SLCO1A2: variants seen among roughly 807,000 people sequenced by gnomAD.
SLCO1A2 encodes the protein OATP-1.
A neutral mutation model predicts 69.0 loss-of-function variants in SLCO1A2; 67 were observed. The ratio of observed to expected loss-of-function variants is 0.97; its 90% CI spans 0.80 to 1.19. The LOEUF is 1.19. Among genes scored for constraint, SLCO1A2 ranks in the 50% most tolerant of loss-of-function variants. The pLI is 0.00. For missense variants in SLCO1A2, 787 were observed against 793.7 expected, an observed-to-expected ratio of 0.99 and a Z score of 0.10; for synonymous variants, 260 against 265.9, an observed-to-expected ratio of 0.98 and a Z score of 0.22.
intron 1 of SLCO1A2, chr12:21,403,419 C>G (rs565280668): frequency 1.3e-5 from 2 of 152,204 alleles, no homozygotes; most frequent in East Asian, 3.9e-4. Flanking sequence ...GGACTTTTAC[C>G]TTAGCATTCA....
chr12:21,305,011 G>A (rs1383045711), intron 5 of SLCO1A2, among the ~76,000 whole-genome samples: 1 of 152,164 alleles, frequency 6.6e-6, no homozygotes, highest in Non-Finnish European at 1.5e-5. Flanking sequence ...TATTTCTCTA[G>A]AATTGGTACT....
intron 1 of SLCO1A2, among the ~76,000 whole-genome samples, chr12:21,407,738 T>A (rs1428715958): frequency 6.6e-6 from 1 of 151,148 alleles, no homozygotes; most frequent in African/African-American, 2.4e-5. Context: ...GCCTGGGAAG[T>A]CAAGACTGCA....
intron 12 of SLCO1A2, among the ~76,000 whole-genome samples, chr12:21,278,887 G>T (rs922169689): frequency 6.6e-6 from 1 of 152,126 alleles, no homozygotes; most frequent in Non-Finnish European, 1.5e-5. Flanking sequence ...GAGAAAGAGA[G>T]ATATGTGACT....
chr12:21,401,018 A>G (rs565556673), intron 1 of SLCO1A2, among the ~76,000 whole-genome samples: 2 of 150,948 alleles, frequency 1.3e-5, no homozygotes, highest in African/African-American at 4.9e-5. Context: ...CCTAAAACTT[A>G]AAGTATAATA....
chr12:21,410,748 G>A (rs1842518064), intron 1 of SLCO1A2, among the ~76,000 whole-genome samples: 1 of 152,100 alleles, frequency 6.6e-6, no homozygotes, highest in Admixed American at 6.6e-5. Flanking sequence ...TAAATATACT[G>A]ATATTTTCAA....
chr12:21,312,055 GA>G lies in SLCO1A2; in HGVS notation c.335+2493del, dbSNP rs1565491227. Among the ~76,000 whole-genome samples, 266 of 150,222 alleles carry G rather than the reference GA, an allele frequency of 1.8e-3. 1 individual carries two copies. The highest frequency in any genetic ancestry group is 6.3e-3 in the African/African-American group (253 of 40,466). Reference sequence around the variant, plus strand: ...AGAAGAAGAGGAAGAAGAAGAGGAGGAGAAGAAGAAGAGGAAGAAGAAGAGG... The same window carrying G: ...AGAAGAAGAGGAAGAAGAAGAGGAGGGAAGAAGAAGAGGAAGAAGAAGAGG... On this transcript the variant is annotated intron_variant, in intron 4 of 14. Transcript: ENST00000683939.
Position 21,307,081 on chromosome 12 carries a change from A to T in SLCO1A2, c.336-93T>A. 6.4e-6 allele frequency: 5 copies of T among 781,252 alleles called. No homozygotes were observed. In the South Asian group the frequency reaches 9.2e-5, roughly 14 times the overall value. 48.4% of individuals were successfully genotyped at this position (781,252 alleles called of 1,614,324 possible). A position where few individuals can be genotyped will look rare whatever the true frequency, so the allele number is the denominator to read the frequency against. ...ATTGTTACCTTCTGCTTCCCATACA[A>T]CACAATATCCAAATCCAGTAAAAAT... On this transcript the variant is annotated intron_variant, in intron 4 of 14. Transcript: ENST00000683939.
chr12:21,403,213 A>G (rs974198500), intron 1 of SLCO1A2, among the ~76,000 whole-genome samples: 3 of 152,124 alleles, frequency 2.0e-5, no homozygotes, highest in Non-Finnish European at 4.4e-5. Context: ...CTGTGCATGC[A>G]TAAACAAACA....
upstream of SLCO1A2, among the ~76,000 whole-genome samples, chr12:21,396,854 C>CTG (rs1941483560): frequency 6.6e-6 from 1 of 152,030 alleles, no homozygotes; most frequent in Non-Finnish European, 1.5e-5. Context: ...GCCTGCCTTA[C>CTG]AAGAGCTCCT....
intron 1 of SLCO1A2, among the ~76,000 whole-genome samples, chr12:21,413,237 C>CTTTTTTT (rs3983534): frequency 2.0e-3 from 194 of 99,424 alleles, no homozygotes; most frequent in Non-Finnish European, 2.4e-3. Flanking sequence ...TTTTCTTTTT[C>CTTTTTTT]TTTTTTTTTT....
rs144275131 is a variant in SLCO1A2, at chr12:21,312,587, A to T, written c.335+1962T>A. ...TGAGCTTAATGATTTCTAGCTTTTG[A>T]TTTAAAGTGAGAAATGTGCAACTCT... is the stretch of plus-strand genomic sequence containing the variant. On this transcript the variant is annotated intron_variant, in intron 4 of 14. Coordinates refer to ENST00000683939, the MANE Select transcript of SLCO1A2 (RefSeq NM_001386879.1). Among the ~76,000 whole-genome samples, 238 of 152,248 alleles carry T rather than the reference A, an allele frequency of 1.6e-3. 1 individual carries two copies. Among genetic ancestry groups the T allele is most frequent in the African/African-American group, 5.4e-3 (224 of 41,542 alleles).
intron 2 of SLCO1A2, among the ~76,000 whole-genome samples, chr12:21,364,209 T>G (rs576908359): frequency 2.2e-4 from 33 of 152,300 alleles, no homozygotes; most frequent in African/African-American, 7.5e-4. Context: ...ATGATCAAGT[T>G]GGCTTCATCC....
Position 21,275,359 on chromosome 12 carries a change from C to T in SLCO1A2, c.1675+1G>A, listed in dbSNP as rs963511989. 6.4e-7 allele frequency: 1 copy of T among 1,555,198 alleles called. No individual in the cohort carries two copies. Among genetic ancestry groups the T allele is most frequent in the Non-Finnish European group, 8.8e-7 (1 of 1,139,898 alleles). On this transcript the variant is annotated splice_donor_variant, in intron 13 of 14. Transcript: ENST00000683939. LOFTEE classifies it high-confidence loss of function. ...ATGTGGGAAAAAATAACTATTTTTA[C>T]CAAATACTCTTGTGCAAAATGTATG... is the stretch of plus-strand genomic sequence containing the variant.
chr12:21,314,832 A>G (rs1197278907), intron 3 of SLCO1A2, 151 bp from the exon 4 acceptor site: 1 of 658,948 alleles, frequency 1.5e-6, no homozygotes, highest in Non-Finnish European at 2.6e-6. Flanking sequence ...TAATAAATGA[A>G]TATAACACAA....
intron 1 of SLCO1A2, among the ~76,000 whole-genome samples, chr12:21,389,408 A>T (rs10770805): frequency 0.63 from 95,928 of 151,764 alleles, 30,393 homozygotes; most frequent in Middle Eastern, 0.77. Flanking sequence ...CAGATAAGAC[A>T]TATTAACAAG....
chr12:21,413,207 G>C (rs1217033958), intron 1 of SLCO1A2, among the ~76,000 whole-genome samples: 1 of 139,622 alleles, frequency 7.2e-6, no homozygotes. Context: ...TTAACTGATT[G>C]TAATACTTTC....
intron 1 of SLCO1A2, among the ~76,000 whole-genome samples, chr12:21,401,764 A>T (rs573766794): frequency 3.9e-4 from 59 of 152,036 alleles, no homozygotes; most frequent in African/African-American, 1.4e-3. Flanking sequence ...GCCTTCTGTG[A>T]TATTAATTGG....
chr12:21,303,515 CTCTT>C (rs1303223625), intron 6 of SLCO1A2, among the ~76,000 whole-genome samples: 1 of 152,192 alleles, frequency 6.6e-6, no homozygotes, highest in Non-Finnish European at 1.5e-5. Context: ...TTCTCTCACC[CTCTT>C]TGACTTTTTT....
intron 12 of SLCO1A2, among the ~76,000 whole-genome samples, chr12:21,280,023 A>G (rs532447825): frequency 6.6e-6 from 1 of 152,146 alleles, no homozygotes; most frequent in Admixed American, 6.5e-5. Flanking sequence ...CAATTTTAAC[A>G]TATTATCACC....
Sources: allele counts gnomAD v4.1 joint callset (sites outside exome capture counted in the v4.1 genomes callset), GRCh38; gene constraint gnomAD v4.1.1; transcripts MANE v1.5; gene names NCBI Gene and HGNC (gene_info 2026-07-23, HGNC 2026-07-21).